Variants in ZFAND3 observed in about 807,000 individuals in gnomAD.
ZFAND3 encodes the protein AN1-type zinc finger protein 3.
ZFAND3 carries 10 observed loss-of-function variants against 29.6 expected under a neutral mutation model. The observed-to-expected ratio is 0.34, with a 90% CI of 0.21 to 0.57. The LOEUF is 0.57. Ranked by LOEUF, ZFAND3 falls within the 20% of genes least tolerant of loss-of-function variation. ZFAND3 has a pLI of 0.86. For missense variants in ZFAND3, 230 were observed against 304.5 expected (o/e 0.76, Z 1.82); for synonymous variants, 128 against 112.6 (o/e 1.14, Z -0.87).
chr6:37,919,379 T>C (rs1426206001), intron 1 of ZFAND3, among the ~76,000 whole-genome samples: 1 of 152,242 alleles, frequency 6.6e-6, no homozygotes, highest in Non-Finnish European at 1.5e-5. Flanking sequence ...AATGTTACTT[T>C]TCCTAGTTAT....
intron 2 of ZFAND3, among the ~76,000 whole-genome samples, chr6:37,959,102 G>T (rs1581792554): frequency 6.6e-6 from 1 of 152,204 alleles, no homozygotes; most frequent in African/African-American, 2.4e-5. Context: ...AAGCTGAGGT[G>T]TGGTATTCTC....
chr6:37,930,046 T>A, intron 2 of ZFAND3, 47 bp downstream of exon 2: 1 of 382,198 alleles, frequency 2.6e-6, no homozygotes, highest in Non-Finnish European at 3.9e-6. Context: ...TTTTTCTTTC[T>A]TTTTTTTTTT....
intron 2 of ZFAND3, among the ~76,000 whole-genome samples, chr6:38,059,799 C>G (rs1424253502): frequency 6.6e-6 from 1 of 152,056 alleles, no homozygotes; most frequent in Non-Finnish European, 1.5e-5. Flanking sequence ...TTGCTTGAGC[C>G]TGGGAGACGG....
chr6:38,060,392 T>C (rs993013880), intron 2 of ZFAND3, among the ~76,000 whole-genome samples: 2 of 151,750 alleles, frequency 1.3e-5, no homozygotes, highest in Non-Finnish European at 2.9e-5. Flanking sequence ...TTTCTTTTTC[T>C]TTCCTTTTCC....
intron 1 of ZFAND3, among the ~76,000 whole-genome samples, chr6:37,901,524 A>G (rs1765318084): frequency 2.0e-5 from 3 of 152,120 alleles, no homozygotes; most frequent in Non-Finnish European, 4.4e-5. Flanking sequence ...CTGAGGTAGG[A>G]GGAGGATTGC....
intron 1 of ZFAND3, among the ~76,000 whole-genome samples, chr6:37,910,088 A>G (rs1449103646): frequency 1.3e-5 from 2 of 152,262 alleles, no homozygotes; most frequent in Admixed American, 6.5e-5. Context: ...TTGTTTCTGC[A>G]TAAGCCACAC....
chr6:38,140,895 T>TAAGC (rs1562014279), intron 5 of ZFAND3, among the ~76,000 whole-genome samples: 1 of 152,232 alleles, frequency 6.6e-6, no homozygotes, highest in African/African-American at 2.4e-5. Context: ...CTATACTGAA[T>TAAGC]AAGCCTCTTC....
chr6:37,853,412 GAAAAAAAAAA>G (rs56738009), intron 1 of ZFAND3, among the ~76,000 whole-genome samples: 2 of 65,880 alleles, frequency 3.0e-5, no homozygotes, highest in Admixed American at 1.9e-4. Flanking sequence ...TGAGCCTCAA[GAAAAAAAAAA>G]AAAAAAAAAA....
intron 1 of ZFAND3, among the ~76,000 whole-genome samples, chr6:37,890,615 G>A (rs1344677225): frequency 6.6e-6 from 1 of 152,130 alleles, no homozygotes; most frequent in East Asian, 1.9e-4. Flanking sequence ...TAAGTTTTAT[G>A]GAGTAAACAT....
intron 2 of ZFAND3, among the ~76,000 whole-genome samples, chr6:38,046,842 A>T (rs1260336078): frequency 6.6e-6 from 1 of 152,172 alleles, no homozygotes; most frequent in African/African-American, 2.4e-5. Context: ...GTATCTGCTT[A>T]ATATGGTTTT....
Position 37,838,927 on chromosome 6 carries a change from C to T in ZFAND3, c.71+18911C>T, listed in dbSNP as rs1417911999. Among the ~76,000 whole-genome samples, 3 of 152,148 alleles carry T rather than the reference C, an allele frequency of 2.0e-5. No homozygotes were observed. In the East Asian group the frequency reaches 5.8e-4, roughly 29 times the overall value. ...CAGAGCAACTACATTATTTTACATT[C>T]CCACCAGCAATGTATGAAGACTCCA... On this transcript the variant is annotated intron_variant, in intron 1 of 5. Transcript: ENST00000287218.
Position 38,106,418 on chromosome 6 carries a change from G to A in ZFAND3, c.362-10154G>A, listed in dbSNP as rs370582695. Among the ~76,000 whole-genome samples the A allele has an allele frequency of 7.1e-3, 1,077 of 152,266 alleles. 12 individuals are homozygous for A. The highest frequency in any genetic ancestry group is 0.024 in the African/African-American group (992 of 41,546). On this transcript the variant is annotated intron_variant, in intron 4 of 5. Coordinates refer to ENST00000287218, the MANE Select transcript of ZFAND3 (RefSeq NM_021943.3). ...GCCCACCTCGGCCTCCCAAAGTGCC[G>A]GGATTACAGGTGTGAGCCACCACTC... is the stretch of plus-strand genomic sequence containing the variant.
intron 1 of ZFAND3, among the ~76,000 whole-genome samples, chr6:37,868,043 A>G (rs1764620505): frequency 6.6e-6 from 1 of 152,228 alleles, no homozygotes. Context: ...CTGCTACTTG[A>G]AAGTTAAGAA....
At chr6:37,946,571 C>T (rs1761905757) in intron 2 of ZFAND3, among the ~76,000 whole-genome samples, 1 of 151,924 alleles carries the variant, frequency 6.6e-6, no homozygotes, top group East Asian at 1.9e-4. Flanking sequence ...TATTTTTTTC[C>T]CCCTTTTTGG....
intron 5 of ZFAND3, among the ~76,000 whole-genome samples, chr6:38,140,577 C>T (rs1765928976): frequency 6.6e-6 from 1 of 152,142 alleles, no homozygotes; most frequent in Non-Finnish European, 1.5e-5. Flanking sequence ...GCAGCCTTGA[C>T]CTCCTGGTTG....
intron 2 of ZFAND3, among the ~76,000 whole-genome samples, chr6:38,033,061 T>C (rs1045103597): frequency 3.3e-5 from 5 of 152,022 alleles, no homozygotes; most frequent in African/African-American, 1.2e-4. Flanking sequence ...AGAAACTTAC[T>C]GAAAAAAAAT....
chr6:37,984,137 T>C (rs891745227), intron 2 of ZFAND3, among the ~76,000 whole-genome samples: 8 of 152,132 alleles, frequency 5.3e-5, no homozygotes, highest in Non-Finnish European at 7.3e-5. Flanking sequence ...ATAGGAAAAA[T>C]AAGATCGCTA....
At chr6:37,873,427 C>A (rs1370513491) in intron 1 of ZFAND3, among the ~76,000 whole-genome samples, 1 of 152,184 alleles carries the variant, frequency 6.6e-6, no homozygotes, top group African/African-American at 2.4e-5. Flanking sequence ...TGTTTGCTTG[C>A]TTGCTAGAGC....
chr6:37,866,812 T>C (rs1764598445), intron 1 of ZFAND3, among the ~76,000 whole-genome samples: 2 of 152,216 alleles, frequency 1.3e-5, no homozygotes, highest in South Asian at 4.1e-4. Flanking sequence ...GATAGCTCTG[T>C]GGTCACTGAC....
Sources: allele counts gnomAD v4.1 joint callset (sites outside exome capture counted in the v4.1 genomes callset), GRCh38; gene constraint gnomAD v4.1.1; transcripts MANE v1.5; gene names NCBI Gene and HGNC (gene_info 2026-07-23, HGNC 2026-07-21).